The following RGL1 variants were observed in gnomAD, a reference collection of about 807,000 sequenced individuals.
The protein encoded by RGL1 is ral guanine nucleotide dissociation stimulator-like 1.
Under a neutral mutation model 95.2 loss-of-function variants are expected in RGL1, and 24 were observed. That is an observed-to-expected ratio of 0.25 (90% CI 0.18 to 0.35). RGL1 has a LOEUF of 0.35. Ranked by LOEUF, RGL1 falls within the 10% of genes least tolerant of loss-of-function variation. The pLI is 1.00. For missense variants in RGL1, 715 were observed against 936.3 expected, an observed-to-expected ratio of 0.76 and a Z score of 3.08; for synonymous variants, 329 against 344.9, an observed-to-expected ratio of 0.95 and a Z score of 0.51.
intron 1 of RGL1, among the ~76,000 whole-genome samples, chr1:183,657,555 C>T (rs1270504447): frequency 1.3e-5 from 2 of 151,852 alleles, no homozygotes; most frequent in African/African-American, 4.9e-5. Flanking sequence ...GTTTTTTGTC[C>T]TTGCGATAGT....
intron 1 of RGL1, among the ~76,000 whole-genome samples, chr1:183,714,708 G>A (rs1655505254): frequency 6.6e-6 from 1 of 152,186 alleles, no homozygotes; most frequent in South Asian, 2.1e-4. Context: ...CAGGGAACAA[G>A]TGTCTTTTTA....
intron 1 of RGL1, among the ~76,000 whole-genome samples, chr1:183,663,226 C>G (rs1022060103): frequency 2.0e-5 from 3 of 151,980 alleles, no homozygotes; most frequent in Admixed American, 2.0e-4. Flanking sequence ...TCTAATTAAA[C>G]TAAAGAGTTT....
chr1:183,795,576 T>C (rs1660657287), intron 2 of RGL1, among the ~76,000 whole-genome samples: 3 of 151,988 alleles, frequency 2.0e-5, no homozygotes, highest in Non-Finnish European at 4.4e-5. Flanking sequence ...CCAGAGAGCA[T>C]AGGTAGATTA....
At chr1:183,905,041 C>A in intron 13 of RGL1, 70 bp downstream of exon 13, 1 of 1,532,382 alleles carries the variant, frequency 6.5e-7, no homozygotes, top group South Asian at 1.3e-5. Flanking sequence ...TTTAATACCT[C>A]GCTGGGTCAT....
chr1:183,731,195 T>C lies in RGL1; in HGVS notation c.-32-10931T>C, dbSNP rs141232372. 6.3e-3 allele frequency among the ~76,000 whole-genome samples: 954 copies of C among 152,300 alleles called. 3 individuals are homozygous for C. Among genetic ancestry groups the C allele is most frequent in the Middle Eastern group, 0.01 (3 of 294 alleles). ...GCAAAAGTGAAGTCATTGAATATTA[T>C]AATAGATTCCATATGTTGTTTTAAA... On this transcript the variant is annotated intron_variant, in intron 1 of 18. Coordinates refer to the RGL1 transcript ENST00000304685.
chr1:183,791,752 G>A (rs986085337), intron 2 of RGL1, among the ~76,000 whole-genome samples: 13 of 152,242 alleles, frequency 8.5e-5, no homozygotes, highest in African/African-American at 2.7e-4. Context: ...TCCATTGACT[G>A]TATTCCAAGA....
At chr1:183,902,504 A>G in intron 11 of RGL1, 64 bp from the exon 12 acceptor site, 1 of 1,421,658 alleles carries the variant, frequency 7.0e-7, no homozygotes, top group South Asian at 1.3e-5. Flanking sequence ...GTGACCTACG[A>G]CAACATATGG....
At chr1:183,733,430 C>A (rs1344187717) in intron 1 of RGL1, among the ~76,000 whole-genome samples, 5 of 152,032 alleles carry the variant, frequency 3.3e-5, no homozygotes, top group Admixed American at 3.3e-4. Context: ...AGTGGTTTCC[C>A]CTTGGTTTCA....
chr1:183,708,384 A>T (rs1329032091), intron 1 of RGL1, among the ~76,000 whole-genome samples: 1 of 152,160 alleles, frequency 6.6e-6, no homozygotes, highest in African/African-American at 2.4e-5. Context: ...TCCCAAATTA[A>T]CAAGACTTGG....
chr1:183,693,115 C>T (rs1456496876), intron 1 of RGL1, among the ~76,000 whole-genome samples: 11 of 151,960 alleles, frequency 7.2e-5, no homozygotes, highest in African/African-American at 2.7e-4. Context: ...CCACCACACC[C>T]GGCTAATTTT....
intron 1 of RGL1, among the ~76,000 whole-genome samples, chr1:183,690,090 C>T (rs1038458222): frequency 2.6e-5 from 4 of 152,118 alleles, no homozygotes; most frequent in Non-Finnish European, 5.9e-5. Context: ...AATTTGGGCT[C>T]AGCAGTATTG....
rs772457410 is a variant in RGL1 at position 183,904,827 on chromosome 1, T to G, written c.1351-23T>G. 3.2e-6 allele frequency: 5 copies of G among 1,580,378 alleles called. No individual in the cohort carries two copies. The Admixed American group carries it at 9.9e-5, about 31-fold the overall frequency. Reference sequence around the variant, plus strand: ...TATTATTCAGTCTTTTTTTTTTAATTTTTGGTATTCTGTCTGCTTTAGGAA... The same window carrying G: ...TATTATTCAGTCTTTTTTTTTTAATGTTTGGTATTCTGTCTGCTTTAGGAA... On this transcript the variant is annotated intron_variant, in intron 12 of 17. Transcript: ENST00000360851.
intron 2 of RGL1, among the ~76,000 whole-genome samples, chr1:183,784,229 A>C (rs1324399009): frequency 6.6e-6 from 1 of 152,220 alleles, no homozygotes; most frequent in Non-Finnish European, 1.5e-5. Flanking sequence ...ATAGATGACA[A>C]GCGGTCACCC....
chr1:183,844,992 T>C (rs1256249648), intron 2 of RGL1, among the ~76,000 whole-genome samples: 1 of 152,356 alleles, frequency 6.6e-6, no homozygotes, highest in Middle Eastern at 3.4e-3. Flanking sequence ...CTCTGGTCTT[T>C]CTGAAAGCAA....
rs140304765 is a variant in RGL1, at chr1:183,716,599, C to T, written c.-32-25527C>T. 2.6e-5 allele frequency among the ~76,000 whole-genome samples: 4 copies of T among 152,338 alleles called. No individual in the cohort carries two copies. The East Asian group carries it at 7.7e-4, about 29-fold the overall frequency. On this transcript the variant is annotated intron_variant, in intron 1 of 18. Transcript: ENST00000304685. ...CACATTCTTTTGCATGGAACTCAGTCACATGGCTGCACCTAACTGTTTGGG... is the reference window on the plus strand; with the variant it reads ...CACATTCTTTTGCATGGAACTCAGTTACATGGCTGCACCTAACTGTTTGGG...
intron 2 of RGL1, among the ~76,000 whole-genome samples, chr1:183,757,673 CATCT>C (rs1425868075): frequency 6.6e-6 from 1 of 152,138 alleles, no homozygotes; most frequent in Non-Finnish European, 1.5e-5. Context: ...ATTTATTGAG[CATCT>C]ATTCTGTGTC....
chr1:183,804,700 T>C (rs1010326529), upstream of RGL1, among the ~76,000 whole-genome samples: 2 of 152,222 alleles, frequency 1.3e-5, no homozygotes, highest in African/African-American at 4.8e-5. Context: ...TACCCGGGTG[T>C]CCTCTGACCT....
intron 15 of RGL1, among the ~76,000 whole-genome samples, chr1:183,914,523 T>C (rs918355589): frequency 2.0e-5 from 3 of 152,196 alleles, no homozygotes; most frequent in African/African-American, 7.2e-5. Context: ...ACTTCCTTCC[T>C]GACCTGAGAG....
intron 2 of RGL1, among the ~76,000 whole-genome samples, chr1:183,780,127 T>C (rs1032100159): frequency 6.6e-6 from 1 of 152,248 alleles, no homozygotes; most frequent in Non-Finnish European, 1.5e-5. Context: ...ACATTCTTAA[T>C]GTGCTGGGTG....
Sources: gnomAD v4.1 joint callset for allele counts (sites outside exome capture counted in the v4.1 genomes callset) on GRCh38, gnomAD v4.1.1 for gene constraint, MANE v1.5 for transcripts, NCBI Gene and HGNC (gene_info 2026-07-23, HGNC 2026-07-21) for gene names.